Variants in CCDC50 observed in about 807,000 individuals in gnomAD.
CCDC50 encodes the protein coiled-coil domain containing 50.
A neutral mutation model predicts 70.2 loss-of-function variants in CCDC50; 54 were observed. The observed-to-expected ratio is 0.77, with a 90% CI of 0.62 to 0.96. The LOEUF is 0.96. CCDC50 is among the 50% of genes least tolerant of loss of function. The probability of loss-of-function intolerance (pLI) is 0.00; values close to 1 mark genes in which losing one functional copy is unlikely to be tolerated. For missense variants in CCDC50, 558 were observed against 578.7 expected, an observed-to-expected ratio of 0.96 and a Z score of 0.37; for synonymous variants, 216 against 198.8, an observed-to-expected ratio of 1.09 and a Z score of -0.73.
At chr3:191,386,113 G>A (rs1713485145) in intron 10 of CCDC50, among the ~76,000 whole-genome samples, 1 of 151,422 alleles carries the variant, frequency 6.6e-6, no homozygotes, top group African/African-American at 2.4e-5. Context: ...CTCTTTTTTT[G>A]GTTCCATGTG....
intron 6 of CCDC50, among the ~76,000 whole-genome samples, chr3:191,377,194 C>T (rs893228348): frequency 1.3e-5 from 2 of 152,074 alleles, no homozygotes; most frequent in Admixed American, 1.3e-4. Flanking sequence ...TTTCTAGCCC[C>T]CGTAGGCATT....
chr3:191,331,363 A>G (rs566692491), intron 1 of CCDC50, among the ~76,000 whole-genome samples: 3 of 152,220 alleles, frequency 2.0e-5, no homozygotes, highest in Non-Finnish European at 4.4e-5. Context: ...TCGTACCAAG[A>G]CATGAATGAT....
At position 191,395,292 on chromosome 3, in the gene CCDC50, A is replaced by G. The variant is rs1265822533; in HGVS notation, c.*3532A>G. On this transcript the variant is annotated 3_prime_UTR_variant, in exon 12 of 12. Transcript: ENST00000392455. Reference sequence around the variant, plus strand: ...TCTCTCAAAGTTAGAACTTTTCAGTATAAAAATAATTAGCTTTTAACTGAT... The same window carrying G: ...TCTCTCAAAGTTAGAACTTTTCAGTGTAAAAATAATTAGCTTTTAACTGAT... 1 of 152,198 alleles carries G rather than the reference A, an allele frequency of 6.6e-6. No individual in the cohort carries two copies. Among genetic ancestry groups the G allele is most frequent in the East Asian group, 1.9e-4 (1 of 5,204 alleles). The allele number at this position is 152,198 out of a possible 1,614,324, so 9.4% of individuals were successfully genotyped here.
At chr3:191,346,698 G>A (rs1486072775) in intron 1 of CCDC50, among the ~76,000 whole-genome samples, 3 of 152,150 alleles carry the variant, frequency 2.0e-5, no homozygotes, top group African/African-American at 4.8e-5. Context: ...CTATAGGTTG[G>A]CAGATTTTGT....
chr3:191,364,101 G>A (rs937924221), intron 4 of CCDC50, among the ~76,000 whole-genome samples: 1 of 149,288 alleles, frequency 6.7e-6, no homozygotes, highest in Admixed American at 6.7e-5. Context: ...ACAGAGTCTT[G>A]CTCTGTCTCC....
chr3:191,343,628 A>C (rs1711810026), intron 1 of CCDC50, among the ~76,000 whole-genome samples: 1 of 152,226 alleles, frequency 6.6e-6, no homozygotes, highest in Non-Finnish European at 1.5e-5. Flanking sequence ...AAAGTAAAGC[A>C]ACCATGTAAA....
chr3:191,331,577 A>G (rs1432909895), intron 1 of CCDC50, among the ~76,000 whole-genome samples: 2 of 152,206 alleles, frequency 1.3e-5, no homozygotes, highest in African/African-American at 4.8e-5. Context: ...TTACAATTAA[A>G]TATTAATTTT....
At chr3:191,369,756 T>G (rs1412944784) in intron 4 of CCDC50, among the ~76,000 whole-genome samples, 163 bp from the exon 5 acceptor site, 1 of 152,220 alleles carries the variant, frequency 6.6e-6, no homozygotes, top group Non-Finnish European at 1.5e-5. Flanking sequence ...CTACTCCTGT[T>G]AAGCAGTCAT....
At chr3:191,358,156 A>C (rs372851468) in intron 3 of CCDC50, 32 bp downstream of exon 3, 3 of 1,613,100 alleles carry the variant, frequency 1.9e-6, no homozygotes, top group South Asian at 2.2e-5. Flanking sequence ...GGGGTGATGC[A>C]AGACTGGTTT....
intron 1 of CCDC50, among the ~76,000 whole-genome samples, chr3:191,329,950 G>C (rs1032030282): frequency 7.0e-5 from 10 of 143,032 alleles, no homozygotes; most frequent in South Asian, 2.6e-4. Flanking sequence ...GTTGGGGGGG[G>C]GGGGGGCTAG....
Position 191,391,800 on chromosome 3 carries a change from A to G in CCDC50, c.*40A>G, listed in dbSNP as rs758795679. 6.4e-7 allele frequency: 1 copy of G among 1,564,848 alleles called. No individual in the cohort carries two copies. Among genetic ancestry groups the G allele is most frequent in the Non-Finnish European group, 8.8e-7 (1 of 1,135,802 alleles). On this transcript the variant is annotated 3_prime_UTR_variant, in exon 12 of 12. Transcript: ENST00000392455. The stretch of plus-strand genomic sequence containing the variant: ...GCCTTGAAAATGGACTCACTATAGC[A>G]AATATTACTGGGTGATACAGAATGA...
intron 3 of CCDC50, among the ~76,000 whole-genome samples, chr3:191,358,711 C>T (rs138602536): frequency 1.3e-5 from 2 of 152,296 alleles, no homozygotes; most frequent in African/African-American, 2.4e-5. Context: ...TCTTTTGGCA[C>T]AGTGACTTTT....
chr3:191,341,729 A>AC (rs1711739381), intron 1 of CCDC50, among the ~76,000 whole-genome samples: 1 of 152,190 alleles, frequency 6.6e-6, no homozygotes, highest in Non-Finnish European at 1.5e-5. Flanking sequence ...TCTGAAAAAA[A>AC]AATTACCCCA....
In CCDC50 at chr3:191,361,519, C is replaced by T. The variant is rs540441178; in HGVS notation, c.330+360C>T. 3.2e-4 allele frequency among the ~76,000 whole-genome samples: 49 copies of T among 152,250 alleles called. No individual in the cohort carries two copies. The South Asian group carries it at 0.01, about 32-fold the overall frequency. On this transcript the variant is annotated intron_variant, in intron 4 of 11. Coordinates refer to ENST00000392455, the MANE Select transcript of CCDC50 (RefSeq NM_178335.3). The stretch of plus-strand genomic sequence containing the variant: ...GTCACGCTACCTCTTGGGAAGGATC[C>T]TTCCTTGCCTCTTCCTAGCTCCTGA...
chr3:191,345,100 G>C (rs1711866851), intron 1 of CCDC50, among the ~76,000 whole-genome samples: 1 of 152,200 alleles, frequency 6.6e-6, no homozygotes, highest in Non-Finnish European at 1.5e-5. Context: ...TTGAGGTTAT[G>C]GGATGTTTCT....
Position 191,397,332 on chromosome 3 carries a change from G to A in CCDC50, c.*5572G>A, listed in dbSNP as rs1311510771. ...AATTTTTGTATTTCTGGTCAAATTGGTCTTGGAAATCCCTATGGTCTCTAA... is the reference window on the plus strand; with the variant it reads ...AATTTTTGTATTTCTGGTCAAATTGATCTTGGAAATCCCTATGGTCTCTAA... On this transcript the variant is annotated 3_prime_UTR_variant, in exon 12 of 12. Transcript: ENST00000392455. The A allele has an allele frequency of 6.6e-6, 1 of 152,132 alleles. No homozygotes were observed. Among genetic ancestry groups the A allele is most frequent in the Non-Finnish European group, 1.5e-5 (1 of 68,028 alleles). 9.4% of individuals were successfully genotyped at this position (152,132 alleles called of 1,614,324 possible). A position where few individuals can be genotyped will look rare whatever the true frequency, so the allele number is the denominator to read the frequency against.
intron 6 of CCDC50, among the ~76,000 whole-genome samples, chr3:191,377,928 G>T (rs1713174264): frequency 6.6e-6 from 1 of 152,062 alleles, no homozygotes; most frequent in African/African-American, 2.4e-5. Context: ...CTGAGATGAG[G>T]GAAGCTAGTC....
intron 1 of CCDC50, among the ~76,000 whole-genome samples, chr3:191,345,919 TATATA>T (rs1437153403): frequency 1.3e-5 from 2 of 152,218 alleles, no homozygotes; most frequent in African/African-American, 4.8e-5. Context: ...ATGATGCTAT[TATATA>T]ATATAGTGCT....
intron 1 of CCDC50, among the ~76,000 whole-genome samples, chr3:191,346,254 C>G (rs1304715668): frequency 6.6e-6 from 1 of 152,128 alleles, no homozygotes; most frequent in African/African-American, 2.4e-5. Context: ...AAACATGTAT[C>G]TCTCTTTATT....
Sources: allele counts gnomAD v4.1 joint callset (sites outside exome capture counted in the v4.1 genomes callset), GRCh38; gene constraint gnomAD v4.1.1; transcripts MANE v1.5; gene names NCBI Gene and HGNC (gene_info 2026-07-23, HGNC 2026-07-21).